The following CRISPLD2 variants were observed in gnomAD, a reference collection of about 807,000 sequenced individuals.
CRISPLD2 encodes the protein cysteine-rich secretory protein LCCL domain-containing 2.
CRISPLD2 carries 47 observed loss-of-function variants against 71.1 expected under a neutral mutation model. That is an observed-to-expected ratio of 0.66 (90% CI 0.52 to 0.84). The LOEUF is 0.84. Among genes scored for constraint, CRISPLD2 ranks in the 40% least tolerant of loss-of-function variants. The pLI is 0.00. For synonymous variants in CRISPLD2, 317 were observed against 250.1 expected, an observed-to-expected ratio of 1.27 and a Z score of -2.52; for missense variants, 830 against 651.1, an observed-to-expected ratio of 1.27 and a Z score of -2.99.
intron 14 of CRISPLD2, among the ~76,000 whole-genome samples, chr16:84,899,414 G>A (rs1240718973): frequency 6.6e-6 from 1 of 152,168 alleles, no homozygotes; most frequent in East Asian, 1.9e-4. Flanking sequence ...TAATTATCAA[G>A]CCACACTCGT....
intron 2 of CRISPLD2, among the ~76,000 whole-genome samples, chr16:84,843,438 T>C (rs1916829828): frequency 6.6e-6 from 1 of 152,134 alleles, no homozygotes; most frequent in South Asian, 2.1e-4. Flanking sequence ...CCCCAAAGAG[T>C]TGAGCAGCCC....
intron 14 of CRISPLD2, among the ~76,000 whole-genome samples, chr16:84,894,409 A>G (rs1454087632): frequency 1.3e-5 from 2 of 152,214 alleles, no homozygotes; most frequent in East Asian, 1.9e-4. Flanking sequence ...ATTTTTTAAA[A>G]TGTCACCTTT....
At chr16:84,891,875 A>G (rs1470769455) in intron 14 of CRISPLD2, among the ~76,000 whole-genome samples, 3 of 152,192 alleles carry the variant, frequency 2.0e-5, no homozygotes, top group Non-Finnish European at 4.4e-5. Flanking sequence ...ACACCCACCC[A>G]AATCGCCACT....
intron 1 of CRISPLD2, among the ~76,000 whole-genome samples, chr16:84,825,004 T>C (rs1916315958): frequency 6.6e-6 from 1 of 152,062 alleles, no homozygotes; most frequent in African/African-American, 2.4e-5. Context: ...CTCGGGAGGC[T>C]GAGACAGAAG....
At chr16:84,848,740 C>T (rs554158404) in intron 3 of CRISPLD2, among the ~76,000 whole-genome samples, 1 of 152,324 alleles carries the variant, frequency 6.6e-6, no homozygotes, top group African/African-American at 2.4e-5. Context: ...CATGTTCGGC[C>T]TTAAGTGCAC....
chr16:84,905,448 G>A (rs1404105246), intron 14 of CRISPLD2, among the ~76,000 whole-genome samples: 1 of 151,892 alleles, frequency 6.6e-6, no homozygotes, highest in Non-Finnish European at 1.5e-5. Context: ...TGCCCAGGCT[G>A]GAGTGCAGTG....
At chr16:84,872,665 C>G (rs985776390) in intron 9 of CRISPLD2, among the ~76,000 whole-genome samples, 157 bp downstream of exon 9, 2 of 152,220 alleles carry the variant, frequency 1.3e-5, no homozygotes, top group Non-Finnish European at 2.9e-5. Flanking sequence ...TATGGGCTTA[C>G]AAACTAGCAA....
chr16:84,877,570 C>T (rs2071531002), intron 12 of CRISPLD2, 60 bp downstream of exon 12: 1 of 1,543,948 alleles, frequency 6.5e-7, no homozygotes, highest in Non-Finnish European at 8.9e-7. Flanking sequence ...GCTTTTTAGG[C>T]TGGGTGAGGT....
At chr16:84,903,347 C>T (rs1276284140) in intron 14 of CRISPLD2, among the ~76,000 whole-genome samples, 1 of 152,044 alleles carries the variant, frequency 6.6e-6, no homozygotes, top group East Asian at 1.9e-4. Context: ...GAGGCCGAGG[C>T]AGGCGGATCA....
intron 14 of CRISPLD2, among the ~76,000 whole-genome samples, chr16:84,891,745 G>A (rs1160396909): frequency 6.6e-6 from 1 of 152,160 alleles, no homozygotes; most frequent in Non-Finnish European, 1.5e-5. Flanking sequence ...CATTGTGGGG[G>A]CCCCATTGGT....
intron 13 of CRISPLD2, among the ~76,000 whole-genome samples, chr16:84,886,018 G>A (rs1246007059): frequency 4.6e-5 from 7 of 151,950 alleles, no homozygotes; most frequent in East Asian, 3.9e-4. Flanking sequence ...ACCAGATCTC[G>A]CTATGTTGCC....
chr16:84,848,796 T>C (rs1916987844), intron 3 of CRISPLD2, among the ~76,000 whole-genome samples: 1 of 152,168 alleles, frequency 6.6e-6, no homozygotes, highest in East Asian at 1.9e-4. Context: ...ATCTGTGAAA[T>C]ACGGGCTTCA....
chr16:84,832,561 C>T (rs1398840681), intron 1 of CRISPLD2, among the ~76,000 whole-genome samples: 2 of 152,266 alleles, frequency 1.3e-5, no homozygotes, highest in South Asian at 2.1e-4. Flanking sequence ...CGCAGGTCTG[C>T]GGTGTGATTA....
chr16:84,866,237 TGG>T (rs1491346620), intron 6 of CRISPLD2, among the ~76,000 whole-genome samples: 87 of 78,754 alleles, frequency 1.1e-3, no homozygotes, highest in South Asian at 5.3e-3. Context: ...TTTTGTTTTT[TGG>T]TTTTTTTTTT....
At chr16:84,884,778 C>G (rs764632167) in intron 13 of CRISPLD2, among the ~76,000 whole-genome samples, 4 of 152,198 alleles carry the variant, frequency 2.6e-5, no homozygotes, top group Non-Finnish European at 5.9e-5. Context: ...TCACAGAAAA[C>G]TTTTGTGTCA....
At chr16:84,841,588 A>G (rs1217340999) in intron 2 of CRISPLD2, among the ~76,000 whole-genome samples, 1 of 151,638 alleles carries the variant, frequency 6.6e-6, no homozygotes, top group Non-Finnish European at 1.5e-5. Flanking sequence ...GGATGCATTT[A>G]TGACTGTGAA....
chr16:84,900,218 G>C (rs983825255), intron 14 of CRISPLD2, among the ~76,000 whole-genome samples: 1 of 151,972 alleles, frequency 6.6e-6, no homozygotes, highest in African/African-American at 2.4e-5. Flanking sequence ...TCAATTCCAG[G>C]GTAGCCAAAA....
chr16:84,884,776 AACTTTTGTGTC>A (rs2071597881), intron 13 of CRISPLD2, among the ~76,000 whole-genome samples: 1 of 152,254 alleles, frequency 6.6e-6, no homozygotes, highest in East Asian at 1.9e-4. Flanking sequence ...TATCACAGAA[AACTTTTGTGTC>A]ACTTTTGTGT....
chr16:84,874,010 A>C, intron 11 of CRISPLD2, 47 bp downstream of exon 11: 31 of 1,516,796 alleles, frequency 2.0e-5, no homozygotes, highest in Non-Finnish European at 2.8e-5. Context: ...GGGTTATCTC[A>C]GATTTTCCTG....
Sources: gnomAD v4.1 joint callset for allele counts (sites outside exome capture counted in the v4.1 genomes callset) on GRCh38, gnomAD v4.1.1 for gene constraint, MANE v1.5 for transcripts, NCBI Gene and HGNC (gene_info 2026-07-23, HGNC 2026-07-21) for gene names.